CNTNAP2: variants seen among roughly 807,000 people sequenced by gnomAD.
The protein encoded by CNTNAP2 is contactin associated protein 2, also known as contactin-associated protein-like 2.
Under a neutral mutation model 155.2 loss-of-function variants are expected in CNTNAP2, and 98 were observed. The ratio of observed to expected loss-of-function variants is 0.63; its 90% CI spans 0.54 to 0.75. The LOEUF (loss-of-function observed/expected upper bound fraction) is 0.75. CNTNAP2 is among the 30% of genes least tolerant of loss of function. CNTNAP2 has a pLI of 0.00. For missense variants in CNTNAP2, 1,727 were observed against 1,688.1 expected, an observed-to-expected ratio of 1.02 and a Z score of -0.40; for synonymous variants, 651 against 631.2, an observed-to-expected ratio of 1.03 and a Z score of -0.47.
At chr7:146,680,726 A>G (rs1800487091) in intron 1 of CNTNAP2, among the ~76,000 whole-genome samples, 1 of 152,174 alleles carries the variant, frequency 6.6e-6, no homozygotes, top group Non-Finnish European at 1.5e-5. Context: ...CCTTTTCTGC[A>G]GTGTGCAGAT....
intron 14 of CNTNAP2, among the ~76,000 whole-genome samples, chr7:147,961,950 T>C (rs536367574): frequency 1.6e-4 from 25 of 152,222 alleles, no homozygotes; most frequent in African/African-American, 6.0e-4. Context: ...AGAAAGAGAA[T>C]AGGAAAGGCA....
intron 9 of CNTNAP2, among the ~76,000 whole-genome samples, chr7:147,366,781 GCACA>G (rs71182194): frequency 0.074 from 7,857 of 105,894 alleles, 560 homozygotes; most frequent in African/African-American, 0.17. Context: ...TTTGTTGCAC[GCACA>G]CACACACACA....
chr7:146,341,285 C>T (rs1269969799), intron 1 of CNTNAP2, among the ~76,000 whole-genome samples: 1 of 152,036 alleles, frequency 6.6e-6, no homozygotes, highest in Non-Finnish European at 1.5e-5. Flanking sequence ...ACAAATTTTA[C>T]AAGAAATGTG....
At chr7:146,318,056 G>A (rs1158629733) in intron 1 of CNTNAP2, among the ~76,000 whole-genome samples, 4 of 151,586 alleles carry the variant, frequency 2.6e-5, no homozygotes, top group African/African-American at 4.9e-5. Context: ...CAGGAGAATC[G>A]CTTGAACCCG....
chr7:146,732,769 T>C (rs1410987330), intron 1 of CNTNAP2, among the ~76,000 whole-genome samples: 1 of 152,134 alleles, frequency 6.6e-6, no homozygotes, highest in African/African-American at 2.4e-5. Flanking sequence ...TAGTATTTTC[T>C]ATAACCTGCA....
chr7:146,682,881 T>A (rs1052398145), intron 1 of CNTNAP2, among the ~76,000 whole-genome samples: 1 of 152,192 alleles, frequency 6.6e-6, no homozygotes, highest in African/African-American at 2.4e-5. Flanking sequence ...ATGCACTGGA[T>A]TGTTTCATCC....
intron 1 of CNTNAP2, among the ~76,000 whole-genome samples, chr7:146,354,411 A>ATTTTTTTTTTTTTTTTTTTTTTTT (rs10641636): frequency 1.5e-5 from 2 of 135,344 alleles, no homozygotes; most frequent in African/African-American, 5.6e-5. Context: ...TCTTGTTAGT[A>ATTTTTTTTTTTTTTTTTTTTTTTT]TTTTTTTTTT....
chr7:148,283,851 C>T (rs193063682), intron 21 of CNTNAP2, among the ~76,000 whole-genome samples: 2 of 152,116 alleles, frequency 1.3e-5, no homozygotes, highest in Admixed American at 6.5e-5. Flanking sequence ...AAATCAACAA[C>T]ATTTATTTCA....
chr7:147,923,781 T>C (rs943358647), intron 14 of CNTNAP2, among the ~76,000 whole-genome samples: 3 of 152,318 alleles, frequency 2.0e-5, no homozygotes, highest in South Asian at 2.1e-4. Flanking sequence ...TTCTTCTACC[T>C]TGGTCTCCCA....
At chr7:146,340,740 T>C (rs905877818) in intron 1 of CNTNAP2, among the ~76,000 whole-genome samples, 4 of 152,188 alleles carry the variant, frequency 2.6e-5, no homozygotes, top group Non-Finnish European at 2.9e-5. Flanking sequence ...CTGAAAAATA[T>C]TAGCCTTATG....
At chr7:146,609,178 G>A (rs1039716265) in intron 1 of CNTNAP2, among the ~76,000 whole-genome samples, 1 of 152,130 alleles carries the variant, frequency 6.6e-6, no homozygotes, top group Non-Finnish European at 1.5e-5. Flanking sequence ...TCTTTGGTTA[G>A]AGTTTCATCA....
intron 23 of CNTNAP2, among the ~76,000 whole-genome samples, chr7:148,414,466 G>T (rs1799931364): frequency 6.7e-6 from 1 of 150,192 alleles, no homozygotes; most frequent in Non-Finnish European, 1.5e-5. Flanking sequence ...AAACCCCTGT[G>T]CAGGTTTCTA....
intron 1 of CNTNAP2, among the ~76,000 whole-genome samples, chr7:146,678,008 A>G (rs1342298893): frequency 1.3e-5 from 2 of 152,104 alleles, no homozygotes; most frequent in Non-Finnish European, 2.9e-5. Context: ...ACATTTAGAT[A>G]TTTGACTATA....
intron 8 of CNTNAP2, among the ~76,000 whole-genome samples, chr7:147,216,970 T>C (rs976501162): frequency 1.3e-5 from 2 of 152,020 alleles, no homozygotes; most frequent in African/African-American, 4.8e-5. Flanking sequence ...TAATTTCAAA[T>C]TCTACTTGTT....
intron 21 of CNTNAP2, among the ~76,000 whole-genome samples, chr7:148,317,973 GC>G (rs1373427575): frequency 1.3e-5 from 2 of 152,270 alleles, no homozygotes; most frequent in East Asian, 3.9e-4. Flanking sequence ...GAGCCTCCGT[GC>G]CCGGCCCTGC....
At chr7:147,684,433 TC>T (rs1212685198) in intron 13 of CNTNAP2, among the ~76,000 whole-genome samples, 1 of 151,906 alleles carries the variant, frequency 6.6e-6, no homozygotes, top group African/African-American at 2.4e-5. Flanking sequence ...TATAAACACC[TC>T]TTTATATCTT....
At chr7:146,886,594 A>C (rs1179952510) in intron 3 of CNTNAP2, among the ~76,000 whole-genome samples, 1 of 151,976 alleles carries the variant, frequency 6.6e-6, no homozygotes, top group Non-Finnish European at 1.5e-5. Flanking sequence ...ATCTCTCTTT[A>C]AAAATGTTAA....
intron 2 of CNTNAP2, among the ~76,000 whole-genome samples, chr7:146,838,344 G>T (rs1387186534): frequency 6.6e-6 from 1 of 152,084 alleles, no homozygotes; most frequent in Non-Finnish European, 1.5e-5. Context: ...TTGAGATGGA[G>T]TCCCACTCTG....
chr7:146,270,545 G>A (rs1329337609), intron 1 of CNTNAP2, among the ~76,000 whole-genome samples: 1 of 151,962 alleles, frequency 6.6e-6, no homozygotes, highest in East Asian at 1.9e-4. Context: ...TAATATTGTT[G>A]ACTTCATACA....
Sources: allele counts gnomAD v4.1 joint callset (sites outside exome capture counted in the v4.1 genomes callset), GRCh38; gene constraint gnomAD v4.1.1; transcripts MANE v1.5; gene names NCBI Gene and HGNC (gene_info 2026-07-23, HGNC 2026-07-21).